The following CPPED1 variants were observed in gnomAD, a reference collection of about 807,000 sequenced individuals.
CPPED1 encodes the protein calcineurin like phosphoesterase domain containing 1.
Under a neutral mutation model 28.0 loss-of-function variants are expected in CPPED1, and 28 were observed. The observed-to-expected ratio is 1.00, with a 90% CI of 0.74 to 1.37. The LOEUF is 1.37. Among genes scored for constraint, CPPED1 ranks in the 40% most tolerant of loss-of-function variants. The pLI, the probability that CPPED1 is intolerant of heterozygous loss-of-function variation, is 0.00. For synonymous variants in CPPED1, 198 were observed against 180.2 expected, an observed-to-expected ratio of 1.10 and a Z score of -0.79; for missense variants, 504 against 416.5, an observed-to-expected ratio of 1.21 and a Z score of -1.83.
chr16:12,733,146 C>T (rs962143474), intron 2 of CPPED1, among the ~76,000 whole-genome samples: 1 of 152,094 alleles, frequency 6.6e-6, no homozygotes, highest in Non-Finnish European at 1.5e-5. Context: ...TTTAAAACCA[C>T]AACAAATAAA....
Position 12,781,230 on chromosome 16 carries a change from G to A in CPPED1, c.244C>T (p.Pro82Ser), listed in dbSNP as rs1567305078. Residue 82 changes from proline (P) to serine (S), a missense_variant, in exon 2 of 4, where the codon CCC (proline) becomes TCC (serine). Coordinates refer to ENST00000381774, the MANE Select transcript of CPPED1 (RefSeq NM_018340.3). ...VQAINKLNPK[P>S]KFFVLCGDLI... ...TCGCCGCACAGAACGAAGAATTTGGGTTTGGGGTTCAGCTTGTTGATGGCC... is the reference window on the plus strand; with the variant it reads ...TCGCCGCACAGAACGAAGAATTTGGATTTGGGGTTCAGCTTGTTGATGGCC... 1.2e-6 allele frequency: 2 copies of A among 1,614,150 alleles called. No individual in the cohort carries two copies. The highest frequency in any genetic ancestry group is 1.7e-6 in the Non-Finnish European group (2 of 1,180,012).
At position 12,665,111 on chromosome 16, in the gene CPPED1, G is replaced by C; in HGVS notation, c.720C>G (p.Val240=). Residue 240 remains valine (V), a synonymous_variant, in exon 4 of 4, where the codon GTC becomes GTG. Coordinates refer to ENST00000381774, the MANE Select transcript of CPPED1 (RefSeq NM_018340.3). Reference sequence around the variant, plus strand: ...GGTAGTGGCCTGAGAACACGACTTTGACACCTGCAGAGAAGGGAAAAAGTC... The same window carrying C: ...GGTAGTGGCCTGAGAACACGACTTTCACACCTGCAGAGAAGGGAAAAAGTC... The part of the protein sequence containing the change: ...KLADKFIHAG[V]KVVFSGHYHR... 6.3e-7 allele frequency: 1 copy of C among 1,590,624 alleles called. No homozygotes were observed. The highest frequency in any genetic ancestry group is 1.4e-5 in the African/African-American group (1 of 73,210).
At chr16:12,673,331 G>A (rs1014872709) in intron 3 of CPPED1, among the ~76,000 whole-genome samples, 6 of 152,206 alleles carry the variant, frequency 3.9e-5, no homozygotes, top group East Asian at 1.9e-4. Flanking sequence ...AACGCTGAAC[G>A]GCTGGACAGA....
chr16:12,696,981 C>G (rs2079994530), intron 3 of CPPED1, among the ~76,000 whole-genome samples: 1 of 152,142 alleles, frequency 6.6e-6, no homozygotes, highest in African/African-American at 2.4e-5. Flanking sequence ...TTTGCCTTAT[C>G]TGCACAGTAC....
At chr16:12,772,506 T>C (rs2080475683) in intron 2 of CPPED1, among the ~76,000 whole-genome samples, 1 of 152,218 alleles carries the variant, frequency 6.6e-6, no homozygotes, top group Non-Finnish European at 1.5e-5. Flanking sequence ...ATAGCAAATA[T>C]CACTTTTGTG....
At chr16:12,739,715 A>C (rs1356160317) in intron 2 of CPPED1, among the ~76,000 whole-genome samples, 1 of 152,234 alleles carries the variant, frequency 6.6e-6, no homozygotes, top group East Asian at 1.9e-4. Context: ...TGCCAAAGCA[A>C]CAACATGGTT....
chr16:12,672,765 G>C (rs1297517056), intron 3 of CPPED1, among the ~76,000 whole-genome samples: 2 of 152,166 alleles, frequency 1.3e-5, no homozygotes, highest in Non-Finnish European at 2.9e-5. Context: ...TGAAATCCCA[G>C]CACTTTTGGA....
At chr16:12,676,370 T>A (rs2079877732) in intron 3 of CPPED1, among the ~76,000 whole-genome samples, 1 of 152,158 alleles carries the variant, frequency 6.6e-6, no homozygotes, top group African/African-American at 2.4e-5. Context: ...CATAACAAAA[T>A]GCAGAAATCG....
chr16:12,669,604 G>A (rs780793799), intron 3 of CPPED1, among the ~76,000 whole-genome samples: 1 of 152,134 alleles, frequency 6.6e-6, no homozygotes, highest in East Asian at 1.9e-4. Flanking sequence ...GCTTAATATT[G>A]CTGTGGTTTC....
At chr16:12,721,658 C>T (rs2080140829) in intron 2 of CPPED1, among the ~76,000 whole-genome samples, 1 of 151,210 alleles carries the variant, frequency 6.6e-6, no homozygotes, top group Non-Finnish European at 1.5e-5. Context: ...GAGGCTGTGG[C>T]GGGAGAATCC....
intron 2 of CPPED1, among the ~76,000 whole-genome samples, chr16:12,766,066 C>G (rs1164079932): frequency 6.6e-6 from 1 of 151,984 alleles, no homozygotes; most frequent in Non-Finnish European, 1.5e-5. Context: ...TAGAAAGACA[C>G]TCGCTTTGTC....
At chr16:12,713,068 A>T (rs1253108526) in intron 2 of CPPED1, among the ~76,000 whole-genome samples, 2 of 152,004 alleles carry the variant, frequency 1.3e-5, no homozygotes, top group Non-Finnish European at 2.9e-5. Context: ...AAATGGGGAA[A>T]AGAGAGTACC....
At chr16:12,753,850 C>A (rs138594078) in intron 2 of CPPED1, 1 of 152,184 alleles carries the variant, frequency 6.6e-6, no homozygotes, top group Admixed American at 6.5e-5. Flanking sequence ...CCAATCCTAT[C>A]TGGTGACCGA....
intron 1 of CPPED1, among the ~76,000 whole-genome samples, chr16:12,802,760 G>C (rs2080668121): frequency 6.6e-6 from 1 of 152,204 alleles, no homozygotes; most frequent in African/African-American, 2.4e-5. Context: ...AAAACAGCAA[G>C]CGCCAAGACC....
At chr16:12,728,671 C>A (rs1031354009) in intron 2 of CPPED1, among the ~76,000 whole-genome samples, 33 of 152,216 alleles carry the variant, frequency 2.2e-4, no homozygotes, top group African/African-American at 7.2e-4. Context: ...CAAGATGCTA[C>A]ATTCCTGGCT....
At chr16:12,696,128 T>C (rs1008501543) in intron 3 of CPPED1, among the ~76,000 whole-genome samples, 3 of 151,516 alleles carry the variant, frequency 2.0e-5, no homozygotes, top group Admixed American at 6.6e-5. Flanking sequence ...CAAGAGAATT[T>C]TGTCTAGCTT....
chr16:12,664,754 T>C lies in CPPED1; in HGVS notation c.*132A>G. ...GACAGGGCCCCAGCTCTCTGATTTA[T>C]GCAAAAGGACATAAATTCACAAACC... On this transcript the variant is annotated 3_prime_UTR_variant, in exon 4 of 4. Transcript: ENST00000381774. The surrounding 1 kb of genome is among the most constrained non-coding windows in gnomAD (Gnocchi z 4.2). 2 of 1,503,728 alleles carry C rather than the reference T, an allele frequency of 1.3e-6. No homozygotes were observed. The highest frequency in any genetic ancestry group is 8.8e-7 in the Non-Finnish European group (1 of 1,137,144). 93.1% of individuals were successfully genotyped at this position (1,503,728 alleles called of 1,614,324 possible).
chr16:12,725,414 T>C (rs1313387329), intron 2 of CPPED1, among the ~76,000 whole-genome samples: 1 of 152,094 alleles, frequency 6.6e-6, no homozygotes, highest in African/African-American at 2.4e-5. Context: ...TTGACAAGTG[T>C]TTACTTTGAA....
At chr16:12,710,381 T>C (rs978782962) in intron 2 of CPPED1, among the ~76,000 whole-genome samples, 1 of 149,360 alleles carries the variant, frequency 6.7e-6, no homozygotes. Context: ...GGGAAAAGAC[T>C]AGGAGAGAAA....
Sources: gnomAD v4.1 joint callset for allele counts (sites outside exome capture counted in the v4.1 genomes callset) on GRCh38, gnomAD v4.1.1 for gene constraint, Gnocchi (gnomAD v3.1) non-coding constraint, MANE v1.5 for transcripts, NCBI Gene and HGNC (gene_info 2026-07-23, HGNC 2026-07-21) for gene names.